Variants in SPATA2L observed in about 807,000 individuals in gnomAD.
The protein encoded by SPATA2L is spermatogenesis-associated protein 2-like protein.
In SPATA2L, 5 loss-of-function variants were observed where a neutral mutation model predicts 8.7. The ratio of observed to expected loss-of-function variants is 0.57; its 90% CI spans 0.30 to 1.21. The LOEUF (loss-of-function observed/expected upper bound fraction) is 1.21, where lower values mean the gene tolerates loss of function less well. SPATA2L is among the 50% of genes most tolerant of loss of function. SPATA2L has a pLI of 0.07. For missense variants in SPATA2L, 671 were observed against 591.0 expected (o/e 1.14, Z -1.40); for synonymous variants, 358 against 275.8 (o/e 1.30, Z -2.95).
chr16:89,699,160 C>G (rs1274915534), intron 2 of SPATA2L, among the ~76,000 whole-genome samples: 1 of 152,086 alleles, frequency 6.6e-6, no homozygotes, highest in Non-Finnish European at 1.5e-5. Context: ...ATGAAGAGCC[C>G]CTGTACTGAG....
rs919182118 is a variant in SPATA2L at position 89,696,955 on chromosome 16, T to C, written c.*379A>G. ...GGACACGTGGAGGACCCCCAAGTCC[T>C]GAGCCCCGTACTCCGTACTGCAGGG... is the stretch of plus-strand genomic sequence containing the variant. On this transcript the variant is annotated 3_prime_UTR_variant, in exon 3 of 3. Transcript: ENST00000289805. 6.7e-7 allele frequency: 1 copy of C among 1,497,776 alleles called. No individual in the cohort carries two copies. The highest frequency in any genetic ancestry group is 8.9e-7 in the Non-Finnish European group (1 of 1,122,588). The allele number at this position is 1,497,776 out of a possible 1,614,324, so 92.8% of individuals were successfully genotyped here.
At chr16:89,701,438 C>T (rs1456458824) in intron 1 of SPATA2L, 190 bp downstream of exon 1, 1 of 470,750 alleles carries the variant, frequency 2.1e-6, no homozygotes, top group African/African-American at 2.0e-5. Context: ...GCGATCCAGG[C>T]CCCTCCAGTT....
At position 89,697,565 on chromosome 16, in the gene SPATA2L, A is replaced by G. The variant is rs61752579; in HGVS notation, c.1044T>C (p.Ser348=). 11,886 of 1,591,650 alleles carry G rather than the reference A, an allele frequency of 7.5e-3. 198 individuals carry two copies. Among genetic ancestry groups the G allele is most frequent in the African/African-American group, 0.062 (4,639 of 74,680 alleles). ...CCTGGTAGCCTGGGGGCTCCGAGAC[A>G]GACCTATAGGCTGAGGCTGGTACCC... is the stretch of plus-strand genomic sequence containing the variant. ...AEGVPASAYR[S]VSEPPGYQAH... The change falls in exon 3 of 3, where the codon TCT becomes TCC. Residue 348 remains serine, a synonymous_variant. Transcript: ENST00000289805.
In SPATA2L at chr16:89,696,775, G is replaced by A. The variant is rs1306022965; in HGVS notation, c.*559C>T. ...AGGTCATTTCCTGTCTGTGGGCCCA[G>A]CTGCTGTGACACCCAAGGGGAGGGC... On this transcript the variant is annotated 3_prime_UTR_variant, in exon 3 of 3. Transcript: ENST00000289805. 6.5e-6 allele frequency: 10 copies of A among 1,532,706 alleles called. No homozygotes were observed. The highest frequency in any genetic ancestry group is 8.7e-6 in the Non-Finnish European group (10 of 1,144,734). 94.9% of individuals were successfully genotyped at this position (1,532,706 alleles called of 1,614,324 possible).
In SPATA2L at chr16:89,699,046, G is replaced by A. The variant is rs370200205; in HGVS notation, c.304-741C>T. On this transcript the variant is annotated intron_variant, in intron 2 of 2. Transcript: ENST00000289805. ...CATGATCCACCCACCTTGGCCTCCC[G>A]AAGTGCTGGGATTACAGGTGTGAGC... 7.9e-5 allele frequency among the ~76,000 whole-genome samples: 12 copies of A among 151,752 alleles called. No homozygotes were observed. In the East Asian group the frequency reaches 1.4e-3, roughly 17 times the overall value.
chr16:89,697,199 C>T lies in SPATA2L; in HGVS notation c.*135G>A, dbSNP rs2060736423. The T allele has an allele frequency of 7.2e-7, 1 of 1,389,276 alleles. No individual in the cohort carries two copies. The highest frequency in any genetic ancestry group is 2.6e-5 in the East Asian group (1 of 38,530). The allele number at this position is 1,389,276 out of a possible 1,614,324, so 86.1% of individuals were successfully genotyped here. A position where few individuals can be genotyped will look rare whatever the true frequency, so the allele number is the denominator to read the frequency against. On this transcript the variant is annotated 3_prime_UTR_variant, in exon 3 of 3. Transcript: ENST00000289805. ...AGTCCCACCTCCAGCAAGGGTTGGC[C>T]TGGACTCTCCAACCCCCTGCTGTGC...
chr16:89,701,217 G>C lies in SPATA2L; in HGVS notation c.16C>G (p.Leu6Val). 6.9e-7 allele frequency: 1 copy of C among 1,440,424 alleles called. No homozygotes were observed. Among genetic ancestry groups the C allele is most frequent in the Non-Finnish European group, 9.1e-7 (1 of 1,096,748 alleles). The allele number at this position is 1,440,424 out of a possible 1,614,324, so 89.2% of individuals were successfully genotyped here. Residue 6 changes from leucine (L) to valine (V), a missense_variant, in exon 2 of 3, where the codon CTG becomes GTG. By Grantham distance (32) the Leu-to-Val change is conservative. Transcript: ENST00000289805. ...AGGCACTGGCGGTAGTCCTCGGACAGCGAGCTGCTGCCCATCCTGCGGCGG... is the reference window on the plus strand; with the variant it reads ...AGGCACTGGCGGTAGTCCTCGGACACCGAGCTGCTGCCCATCCTGCGGCGG... MGSSSLSEDYRQCLER... is the reference protein window; with the variant it reads MGSSSVSEDYRQCLER...
Position 89,697,228 on chromosome 16 carries a change from G to T in SPATA2L, c.*106C>A. ...ACTCTCCAACCCCCTGCTGTGCCCAGGACTCCCCCAGGGACAAGGCAACCA... is the reference window on the plus strand; with the variant it reads ...ACTCTCCAACCCCCTGCTGTGCCCATGACTCCCCCAGGGACAAGGCAACCA... On this transcript the variant is annotated 3_prime_UTR_variant, in exon 3 of 3. Transcript: ENST00000289805. 7.1e-7 allele frequency: 1 copy of T among 1,403,468 alleles called. No individual in the cohort carries two copies. The highest frequency in any genetic ancestry group is 2.6e-4 in the Middle Eastern group (1 of 3,792). The allele number at this position is 1,403,468 out of a possible 1,614,324, so 86.9% of individuals were successfully genotyped here.
At position 89,697,844 on chromosome 16, in the gene SPATA2L, C is replaced by T. The variant is rs778118142; in HGVS notation, c.765G>A (p.Ala255=). 2.7e-5 allele frequency: 43 copies of T among 1,608,914 alleles called. No homozygotes were observed. Among genetic ancestry groups the T allele is most frequent in the East Asian group, 4.5e-5 (2 of 44,664 alleles). The change falls in exon 3 of 3, where the codon GCG becomes GCA. Residue 255 remains alanine, a synonymous_variant. Coordinates refer to ENST00000289805, the MANE Select transcript of SPATA2L (RefSeq NM_152339.4). ...EPSPGPDSPP[A]ELAYRPPLWE... ...AGAGTGGTGGCCTGTAGGCCAGCTC[C>T]GCCGGGGGCGAGTCAGGGCCTGGTG...
At position 89,696,726 on chromosome 16, in the gene SPATA2L, C is replaced by T. The variant is rs2151608390; in HGVS notation, c.*608G>A. ...ACTGCCCGTTCCTGCGCCTCTCGTG[C>T]ACCTCCACATCTGGTTTGAGGTCAG... On this transcript the variant is annotated 3_prime_UTR_variant, in exon 3 of 3. Transcript: ENST00000289805. 4 of 1,442,348 alleles carry T rather than the reference C, an allele frequency of 2.8e-6. No individual in the cohort carries two copies. The highest frequency in any genetic ancestry group is 3.7e-6 in the Non-Finnish European group (4 of 1,069,160). The allele number at this position is 1,442,348 out of a possible 1,614,324, so 89.3% of individuals were successfully genotyped here.
At chr16:89,701,361 G>C in intron 1 of SPATA2L, 128 bp from the exon 2 acceptor site, 1 of 987,656 alleles carries the variant, frequency 1.0e-6, no homozygotes, top group South Asian at 2.3e-5. Flanking sequence ...CAGCGGCTGG[G>C]CGCCCCCGGT....
chr16:89,697,001 C>T lies in SPATA2L; in HGVS notation c.*333G>A, dbSNP rs1370477534. 1.4e-6 allele frequency: 2 copies of T among 1,425,480 alleles called. No homozygotes were observed. The highest frequency in any genetic ancestry group is 1.5e-5 in the South Asian group (1 of 64,860). The allele number at this position is 1,425,480 out of a possible 1,614,324, so 88.3% of individuals were successfully genotyped here. A position where few individuals can be genotyped will look rare whatever the true frequency, so the allele number is the denominator to read the frequency against. ...CAGGGAGCAGGCCAGGAGCCACGGG[C>T]CTTGGGGCACAGGGTCCTTCTCAGG... On this transcript the variant is annotated 3_prime_UTR_variant, in exon 3 of 3. Coordinates refer to ENST00000289805, the MANE Select transcript of SPATA2L (RefSeq NM_152339.4).
chr16:89,700,831 G>T (rs377359914), intron 2 of SPATA2L, 99 bp downstream of exon 2: 59 of 1,303,670 alleles, frequency 4.5e-5, no homozygotes, highest in African/African-American at 7.8e-5. Flanking sequence ...GAGGACACTT[G>T]AAGCCCCTCT....
chr16:89,698,216 G>GC lies in SPATA2L; in HGVS notation c.392dup (p.Arg132GlnfsTer32). 6.2e-7 allele frequency: 1 copy of GC among 1,612,796 alleles called. No homozygotes were observed. The highest frequency in any genetic ancestry group is 8.5e-7 in the Non-Finnish European group (1 of 1,179,654). On this transcript the variant is annotated frameshift_variant, in exon 3 of 3. Transcript: ENST00000289805. LOFTEE classifies it low-confidence loss of function (END_TRUNC). ...TCACCATGAGCCGATGGCTGTCTCT[G>GC]CGTACGTAGCCCATCTTCTGGAAGC...
intron 2 of SPATA2L, among the ~76,000 whole-genome samples, 155 bp from the exon 3 acceptor site, chr16:89,698,460 A>C (rs2060752644): frequency 7.0e-6 from 1 of 142,878 alleles, no homozygotes; most frequent in South Asian, 2.3e-4. Flanking sequence ...GGCCAGGCCC[A>C]AACATGATGA....
Position 89,697,206 on chromosome 16 carries a change from C to G in SPATA2L, c.*128G>C, listed in dbSNP as rs2060736475. ...CCTCCAGCAAGGGTTGGCCTGGACTCTCCAACCCCCTGCTGTGCCCAGGAC... is the reference window on the plus strand; with the variant it reads ...CCTCCAGCAAGGGTTGGCCTGGACTGTCCAACCCCCTGCTGTGCCCAGGAC... On this transcript the variant is annotated 3_prime_UTR_variant, in exon 3 of 3. Transcript: ENST00000289805. 7.2e-7 allele frequency: 1 copy of G among 1,392,988 alleles called. No homozygotes were observed. The highest frequency in any genetic ancestry group is 1.4e-5 in the African/African-American group (1 of 68,978). The allele number at this position is 1,392,988 out of a possible 1,614,324, so 86.3% of individuals were successfully genotyped here.
intron 2 of SPATA2L, among the ~76,000 whole-genome samples, chr16:89,699,527 C>T (rs1009456351): frequency 2.6e-5 from 4 of 151,522 alleles, no homozygotes; most frequent in African/African-American, 4.9e-5. Flanking sequence ...GGCTGACAGC[C>T]GTGGGACGGT....
At chr16:89,700,122 G>A (rs1162975683) in intron 2 of SPATA2L, among the ~76,000 whole-genome samples, 1 of 152,204 alleles carries the variant, frequency 6.6e-6, no homozygotes, top group East Asian at 1.9e-4. Flanking sequence ...AAGTCCTCGC[G>A]GCCAGGAAGC....
At chr16:89,700,894 G>C in intron 2 of SPATA2L, 36 bp downstream of exon 2, 1 of 1,411,230 alleles carries the variant, frequency 7.1e-7, no homozygotes, top group Non-Finnish European at 9.3e-7. Context: ...CCGCAGGCCA[G>C]GACGAGGGGC....
Sources: allele counts gnomAD v4.1 joint callset (sites outside exome capture counted in the v4.1 genomes callset), GRCh38; gene constraint gnomAD v4.1.1; transcripts MANE v1.5; gene names NCBI Gene and HGNC (gene_info 2026-07-23, HGNC 2026-07-21).